The following FRMD4A variants were observed in gnomAD, a reference collection of about 807,000 sequenced individuals.
FRMD4A encodes the protein FERM domain-containing protein 4A.
Under a neutral mutation model 129.1 loss-of-function variants are expected in FRMD4A, and 29 were observed. The observed-to-expected ratio is 0.22, with a 90% confidence interval of 0.17 to 0.31. The LOEUF (loss-of-function observed/expected upper bound fraction) is 0.31, where lower values mean the gene tolerates loss of function less well. Ranked by LOEUF, FRMD4A falls within the 10% of genes least tolerant of loss-of-function variation. The pLI is 1.00. For missense variants in FRMD4A, 1,272 were observed against 1,375.8 expected (o/e 0.92, Z 1.19); for synonymous variants, 634 against 571.6 (o/e 1.11, Z -1.56).
chr10:13,892,018 C>T lies in FRMD4A; in HGVS notation c.46-33106G>A, dbSNP rs1376832219. Among the ~76,000 whole-genome samples the T allele has an allele frequency of 2.8e-5, 4 of 142,830 alleles. No homozygotes were observed. In the East Asian group the frequency reaches 6.3e-4, roughly 23 times the overall value. 93.7% of individuals were successfully genotyped at this position (142,830 alleles called of 152,430 possible). On this transcript the variant is annotated intron_variant, in intron 2 of 24. Transcript: ENST00000357447. ...CGCCGCCCGATCCTGGACAACAATG[C>T]GCGCCCCCGCCCCCCCAGAAAGCCA...
intron 2 of FRMD4A, among the ~76,000 whole-genome samples, chr10:14,291,296 C>T (rs1845844168): frequency 1.3e-5 from 2 of 152,098 alleles, no homozygotes; most frequent in South Asian, 4.1e-4. Context: ...AAGGGATTGA[C>T]AAATAAGAAA....
intron 2 of FRMD4A, among the ~76,000 whole-genome samples, chr10:14,184,877 T>C (rs977140691): frequency 1.3e-5 from 2 of 152,228 alleles, no homozygotes; most frequent in South Asian, 2.1e-4. Flanking sequence ...CCTGCCCGGA[T>C]ACAACTGCGT....
At chr10:13,706,809 C>T (rs954391921) in intron 13 of FRMD4A, among the ~76,000 whole-genome samples, 1 of 150,578 alleles carries the variant, frequency 6.6e-6, no homozygotes, top group African/African-American at 2.4e-5. Context: ...CCAGATGAGA[C>T]AGTCAGGGGA....
chr10:14,217,039 G>A (rs1843096202), intron 2 of FRMD4A, among the ~76,000 whole-genome samples: 1 of 152,178 alleles, frequency 6.6e-6, no homozygotes, highest in Non-Finnish European at 1.5e-5. Context: ...ACCGAACAGG[G>A]GGGCATGGCC....
intron 2 of FRMD4A, among the ~76,000 whole-genome samples, chr10:14,055,893 G>GTCACCCCGTTGTGCTATCAAATTT: frequency 6.6e-6 from 1 of 152,032 alleles, no homozygotes; most frequent in African/African-American, 2.4e-5. Flanking sequence ...ATTGACTATT[G>GTCACCCCGTTGTGCTATCAAATTT]TCACCCCGTT....
chr10:14,044,212 C>CT (rs1833894841), intron 2 of FRMD4A, among the ~76,000 whole-genome samples: 1 of 152,216 alleles, frequency 6.6e-6, no homozygotes, highest in African/African-American at 2.4e-5. Context: ...CATTCTCTTT[C>CT]CTGTCGCCCC....
At chr10:14,303,566 T>C (rs1257679412) in intron 2 of FRMD4A, among the ~76,000 whole-genome samples, 3 of 152,166 alleles carry the variant, frequency 2.0e-5, no homozygotes, top group Non-Finnish European at 4.4e-5. Flanking sequence ...TCTCATGCCC[T>C]GGGGTAGGCA....
chr10:13,794,448 G>A (rs2093070449), intron 5 of FRMD4A, among the ~76,000 whole-genome samples: 1 of 150,120 alleles, frequency 6.7e-6, no homozygotes, highest in Non-Finnish European at 1.5e-5. Flanking sequence ...AAGACTTCAA[G>A]ATGTGTAGCC....
intron 2 of FRMD4A, among the ~76,000 whole-genome samples, chr10:14,244,626 T>G (rs1392494115): frequency 2.0e-5 from 3 of 152,148 alleles, no homozygotes; most frequent in Non-Finnish European, 4.4e-5. Flanking sequence ...CAAAACGAAA[T>G]GAAAAACCAA....
intron 2 of FRMD4A, among the ~76,000 whole-genome samples, chr10:13,889,383 C>T (rs1228371582): frequency 1.3e-5 from 2 of 152,236 alleles, no homozygotes; most frequent in Non-Finnish European, 2.9e-5. Context: ...ATGTCTTTCC[C>T]TTTGACCTCA....
chr10:13,904,664 T>C (rs149514398), intron 2 of FRMD4A, among the ~76,000 whole-genome samples: 2 of 152,302 alleles, frequency 1.3e-5, no homozygotes, highest in African/African-American at 4.8e-5. Flanking sequence ...CAGAACCCAA[T>C]AGATTTTTAT....
intron 2 of FRMD4A, among the ~76,000 whole-genome samples, chr10:14,142,102 A>G (rs1412593013): frequency 6.6e-6 from 1 of 152,118 alleles, no homozygotes; most frequent in Non-Finnish European, 1.5e-5. Context: ...CATTATAAGA[A>G]ATAGAAAAAC....
rs143924517 is a variant in FRMD4A, at chr10:14,064,617, G to A, written c.46-205705C>T. On this transcript the variant is annotated intron_variant, in intron 2 of 24. Coordinates refer to ENST00000357447, the MANE Select transcript of FRMD4A (RefSeq NM_018027.5). ...TTTTGAGGCAGAGTCTTGCTCCATCGTCTAGGCTGGAGTACAGTGGCGCGA... is the reference window on the plus strand; with the variant it reads ...TTTTGAGGCAGAGTCTTGCTCCATCATCTAGGCTGGAGTACAGTGGCGCGA... Among the ~76,000 whole-genome samples the A allele has an allele frequency of 2.7e-3, 415 of 152,200 alleles. 3 individuals are homozygous for A. The highest frequency in any genetic ancestry group is 9.4e-3 in the African/African-American group (390 of 41,524).
chr10:14,100,806 C>A (rs1837263033), intron 2 of FRMD4A, among the ~76,000 whole-genome samples: 1 of 152,060 alleles, frequency 6.6e-6, no homozygotes, highest in Non-Finnish European at 1.5e-5. Context: ...AAGCTATTTA[C>A]AGAAAAAGTA....
chr10:14,329,514 C>T (rs971180629), intron 2 of FRMD4A, among the ~76,000 whole-genome samples: 1 of 152,136 alleles, frequency 6.6e-6, no homozygotes, highest in Admixed American at 6.5e-5. Context: ...CAAGGTTGGC[C>T]ATCAATGGTA....
intron 2 of FRMD4A, among the ~76,000 whole-genome samples, chr10:14,165,639 A>G (rs962225080): frequency 6.6e-6 from 1 of 152,226 alleles, no homozygotes; most frequent in East Asian, 1.9e-4. Flanking sequence ...GATAAAGAAA[A>G]TGTGGTACAT....
intron 12 of FRMD4A, among the ~76,000 whole-genome samples, chr10:13,723,137 TATGCTGGTTAGCTAGGTCACC>T (rs1465972917): frequency 2.6e-5 from 4 of 151,116 alleles, no homozygotes; most frequent in East Asian, 4.0e-4. Flanking sequence ...GCTACATCCC[TATGCTGGTTAGCTAGGTCACC>T]ATGCTGGTTA....
chr10:13,964,334 T>C (rs1357343149), intron 2 of FRMD4A, among the ~76,000 whole-genome samples: 1 of 152,182 alleles, frequency 6.6e-6, no homozygotes, highest in Non-Finnish European at 1.5e-5. Context: ...CAGGTTTACA[T>C]ATGCCATACA....
At chr10:13,660,599 C>A in intron 19 of FRMD4A, 46 bp from the exon 20 acceptor site, 2 of 1,258,556 alleles carry the variant, frequency 1.6e-6, no homozygotes, top group Non-Finnish European at 2.3e-6. Context: ...GTCATCCTTC[C>A]CACAGGCTGA....
Sources: gnomAD v4.1 joint callset for allele counts (sites outside exome capture counted in the v4.1 genomes callset) on GRCh38, gnomAD v4.1.1 for gene constraint, MANE v1.5 for transcripts, NCBI Gene and HGNC (gene_info 2026-07-23, HGNC 2026-07-21) for gene names.